The following RAB11FIP1 variants were observed in gnomAD, a reference collection of about 807,000 sequenced individuals.
RAB11FIP1 encodes rab11 family-interacting protein 1.
A neutral mutation model predicts 83.1 loss-of-function variants in RAB11FIP1; 49 were observed. That is an observed-to-expected ratio of 0.59 (90% confidence interval 0.47 to 0.75). The LOEUF (loss-of-function observed/expected upper bound fraction) is 0.75, where lower values mean the gene tolerates loss of function less well. Among genes scored for constraint, RAB11FIP1 ranks in the 30% least tolerant of loss-of-function variants. The pLI, the probability that RAB11FIP1 is intolerant of heterozygous loss-of-function variation, is 0.00. For missense variants in RAB11FIP1, 1,536 were observed against 1,598.7 expected (o/e 0.96, Z 0.67); for synonymous variants, 670 against 656.0 (o/e 1.02, Z -0.33).
At chr8:37,865,315 C>CTT (rs11407439) in intron 5 of RAB11FIP1, among the ~76,000 whole-genome samples, 1,954 of 142,646 alleles carry the variant, frequency 0.014, 37 homozygotes, top group African/African-American at 0.037. Context: ...TCCTGGGATT[C>CTT]TTTTTTTTTT....
rs752938916 is a variant in RAB11FIP1 at position 37,871,799 on chromosome 8, C to G, written c.3003G>C (p.Leu1001Phe). The G allele has an allele frequency of 6.2e-7, 1 of 1,614,148 alleles. No homozygotes were observed. Among genetic ancestry groups the G allele is most frequent in the Non-Finnish European group, 8.5e-7 (1 of 1,180,002 alleles). Residue 1001 changes from leucine (L) to phenylalanine (F), a missense_variant, in exon 4 of 6, where the codon TTG becomes TTC. Coordinates refer to ENST00000330843, the MANE Select transcript of RAB11FIP1 (RefSeq NM_001002814.3). ...TCTCAGGACAGGGGACTACCAAGCC[C>G]AAGGACAAAGCTCCTATGTCCAGAG... ...SSTLDIGALSLGLVVPCPERG... is the reference protein window; with the variant it reads ...SSTLDIGALSFGLVVPCPERG...
intron 1 of RAB11FIP1, among the ~76,000 whole-genome samples, chr8:37,898,409 C>T (rs113876758): frequency 6.6e-6 from 1 of 151,716 alleles, no homozygotes; most frequent in Non-Finnish European, 1.5e-5. Context: ...AATCCCAGCA[C>T]TTTGGGAGGC....
In RAB11FIP1 at chr8:37,899,298, G is replaced by A. The variant is rs1384513980; in HGVS notation, c.144C>T (p.Gly48=). The change falls in exon 1 of 6, where the codon GGC becomes GGT. Residue 48 remains glycine, a synonymous_variant. Transcript: ENST00000330843. This position sits in a 1 kb window ranked among gnomAD's most constrained non-coding sequence, Gnocchi z 4.5. ...ACACGGAGGTGGCGTACTTCTCCTT[G>A]CCCACCTGGATCACCGCGTACGCGT... ...TSDAYAVIQV[G]KEKYATSVSE... 3.1e-6 allele frequency: 5 copies of A among 1,609,860 alleles called. No individual in the cohort carries two copies. The highest frequency in any genetic ancestry group is 1.3e-5 in the African/African-American group (1 of 74,578).
Position 37,877,362 on chromosome 8 carries a change from G to A in RAB11FIP1, c.561C>T (p.Asp187=). Reference sequence around the variant, plus strand: ...TGCTAGGGATGATGGCGGAGGCGGTGTCTGACCCACTGTCCTTATTCTTCC... The same window carrying A: ...TGCTAGGGATGATGGCGGAGGCGGTATCTGACCCACTGTCCTTATTCTTCC... The part of the protein sequence containing the change: ...IKGKNKDSGS[D]TASAIIPSTT... The change falls in exon 2 of 6, where the codon GAC becomes GAT. Residue 187 remains aspartate (D), a synonymous_variant. Coordinates refer to ENST00000330843, the MANE Select transcript of RAB11FIP1 (RefSeq NM_001002814.3). 3 of 1,614,208 alleles carry A rather than the reference G, an allele frequency of 1.9e-6. No homozygotes were observed. The highest frequency in any genetic ancestry group is 2.5e-6 in the Non-Finnish European group (3 of 1,180,030).
intron 1 of RAB11FIP1, among the ~76,000 whole-genome samples, chr8:37,884,786 T>TC (rs1279584493): frequency 1.3e-5 from 2 of 151,976 alleles, no homozygotes; most frequent in African/African-American, 4.8e-5. Flanking sequence ...TGACCTCAAG[T>TC]GATCTGCCTG....
At chr8:37,894,877 G>A (rs1343536872) in intron 1 of RAB11FIP1, among the ~76,000 whole-genome samples, 1 of 150,302 alleles carries the variant, frequency 6.7e-6, no homozygotes, top group Admixed American at 6.7e-5. Context: ...AGCCTCCCGA[G>A]TAGCTGCGAT....
At position 37,871,794 on chromosome 8, in the gene RAB11FIP1, A is replaced by T. The variant is rs2130139966; in HGVS notation, c.3008T>A (p.Leu1003Ter). The stretch of plus-strand genomic sequence containing the variant: ...TCCCCTCTCAGGACAGGGGACTACC[A>T]AGCCCAAGGACAAAGCTCCTATGTC... ...TLDIGALSLG[L>*]VVPCPERGKG... The change falls in exon 4 of 6, where the codon TTG (leucine) becomes TAG (stop). Residue 1003 changes from leucine (L) to a stop codon, truncating the protein, a stop_gained. Coordinates refer to ENST00000330843, the MANE Select transcript of RAB11FIP1 (RefSeq NM_001002814.3). LOFTEE classifies it high-confidence loss of function. 6.2e-7 allele frequency: 1 copy of T among 1,614,086 alleles called. No homozygotes were observed. The highest frequency in any genetic ancestry group is 1.3e-5 in the African/African-American group (1 of 75,026).
In RAB11FIP1 at chr8:37,899,432, T is replaced by C. The variant is rs756821570; in HGVS notation, c.10A>G (p.Met4Val). MSL[M>V]VSAGRGLGAV... ...CCCAGGCCCCGGCCAGCCGAGACCA[T>C]TAGGGACATGGTGACGATAACACTC... Residue 4 changes from methionine (M) to valine (V), a missense_variant, in exon 1 of 6, where the codon ATG becomes GTG. Physicochemically the swap from Met to Val is conservative, Grantham distance 21. Transcript: ENST00000330843. The surrounding 1 kb of genome is among the most constrained non-coding windows in gnomAD (Gnocchi z 4.5). 3 of 1,563,310 alleles carry C rather than the reference T, an allele frequency of 1.9e-6. No homozygotes were observed. The highest frequency in any genetic ancestry group is 2.6e-6 in the Non-Finnish European group (3 of 1,158,000).
chr8:37,896,051 T>A (rs1807082390), intron 1 of RAB11FIP1, among the ~76,000 whole-genome samples: 1 of 152,188 alleles, frequency 6.6e-6, no homozygotes, highest in Admixed American at 6.5e-5. Context: ...GGCTCACACC[T>A]ATAATCCTAG....
At chr8:37,891,700 G>A (rs996172286) in intron 1 of RAB11FIP1, among the ~76,000 whole-genome samples, 4 of 152,098 alleles carry the variant, frequency 2.6e-5, no homozygotes, top group East Asian at 1.9e-4. Context: ...CTTACAGTTC[G>A]TAATGCAAAA....
intron 1 of RAB11FIP1, among the ~76,000 whole-genome samples, chr8:37,895,098 C>T (rs560511892): frequency 3.7e-4 from 52 of 140,372 alleles, no homozygotes; most frequent in Admixed American, 8.9e-4. Context: ...CAGGCTTTTA[C>T]TCTGTTGCCC....
At chr8:37,863,316 G>A (rs1004455014) in intron 5 of RAB11FIP1, among the ~76,000 whole-genome samples, 1 of 152,034 alleles carries the variant, frequency 6.6e-6, no homozygotes. Flanking sequence ...CGCGATCTCA[G>A]CTCACTGCAA....
chr8:37,872,866 T>G lies in RAB11FIP1; in HGVS notation c.1936A>C (p.Asn646His). ...GATCCCAGGGCAGAAGAACCAGAAT[T>G]TGGAACCGGTGTTAAACTCTCAGTT... is the stretch of plus-strand genomic sequence containing the variant. ...LQTESLTPVP[N>H]SGSSALGSLF... The change falls in exon 4 of 6, where the codon AAT (asparagine) becomes CAT (histidine). Residue 646 changes from asparagine to histidine, a missense_variant. By Grantham distance (68) the Asn-to-His change is moderately conservative. Transcript: ENST00000330843. 6.2e-7 allele frequency: 1 copy of G among 1,614,184 alleles called. No individual in the cohort carries two copies. The highest frequency in any genetic ancestry group is 8.5e-7 in the Non-Finnish European group (1 of 1,180,028).
rs749936619 is a variant in RAB11FIP1, at chr8:37,875,304, G to C, written c.833C>G (p.Thr278Arg). 6.2e-7 allele frequency: 1 copy of C among 1,611,220 alleles called. No homozygotes were observed. Among genetic ancestry groups the C allele is most frequent in the South Asian group, 1.1e-5 (1 of 91,038 alleles). Residue 278 changes from threonine (T) to arginine (R), a missense_variant, in exon 3 of 6, where the codon ACA becomes AGA. Physicochemically the swap from Thr to Arg is moderately conservative, Grantham distance 71. Coordinates refer to ENST00000330843, the MANE Select transcript of RAB11FIP1 (RefSeq NM_001002814.3). ...SASDVMSHKR[T>R]ASTDLKQLNQ... is the part of the protein sequence containing the mutation. ...CAGTTGCTTAAGATCCGTACTCGCTGTTCTCTTGTGAGACATGACTTTGGG... is the reference window on the plus strand; with the variant it reads ...CAGTTGCTTAAGATCCGTACTCGCTCTTCTCTTGTGAGACATGACTTTGGG...
At chr8:37,885,821 C>G (rs1288720930) in intron 1 of RAB11FIP1, among the ~76,000 whole-genome samples, 1 of 152,166 alleles carries the variant, frequency 6.6e-6, no homozygotes. Flanking sequence ...TTCAACCATG[C>G]CCTATCCTCA....
At position 37,871,639 on chromosome 8, in the gene RAB11FIP1, G is replaced by A. The variant is rs1481095939; in HGVS notation, c.3163C>T (p.His1055Tyr). ...TCCAAGCTTGAGCTCTTGCCAAGAT[G>A]TGGTTTGTGAATTCCGAACTCTGTG... is the stretch of plus-strand genomic sequence containing the variant. ...QTTEFGIHKPHLGKSSSLDKQ... is the reference protein window; with the variant it reads ...QTTEFGIHKPYLGKSSSLDKQ... The change falls in exon 4 of 6, where the codon CAT (histidine) becomes TAT (tyrosine). Residue 1055 changes from histidine (H) to tyrosine (Y), a missense_variant. Coordinates refer to ENST00000330843, the MANE Select transcript of RAB11FIP1 (RefSeq NM_001002814.3). 1 of 1,609,950 alleles carries A rather than the reference G, an allele frequency of 6.2e-7. No homozygotes were observed. The highest frequency in any genetic ancestry group is 8.5e-7 in the Non-Finnish European group (1 of 1,176,934).
At chr8:37,890,982 T>A (rs1031674731) in intron 1 of RAB11FIP1, among the ~76,000 whole-genome samples, 1 of 152,018 alleles carries the variant, frequency 6.6e-6, no homozygotes, top group Non-Finnish European at 1.5e-5. Flanking sequence ...AACCACTGCC[T>A]CCCTCACAGA....
chr8:37,883,565 A>T (rs1031814259), intron 1 of RAB11FIP1, among the ~76,000 whole-genome samples: 2 of 152,252 alleles, frequency 1.3e-5, no homozygotes, highest in Admixed American at 1.3e-4. Flanking sequence ...AAGACAGTGA[A>T]AGCCACAGTG....
Position 37,899,007 on chromosome 8 carries a change from A to G in RAB11FIP1, c.371+64T>C. 1 of 1,400,672 alleles carries G rather than the reference A, an allele frequency of 7.1e-7. No homozygotes were observed. The highest frequency in any genetic ancestry group is 9.2e-7 in the Non-Finnish European group (1 of 1,084,542). 86.8% of individuals were successfully genotyped at this position (1,400,672 alleles called of 1,614,324 possible). ...CTTACTCTCGAAGGGTCCAGCGCCC[A>G]GACCGCCCTGCCGGAGGGGTCCGCG... On this transcript the variant is annotated intron_variant, in intron 1 of 5. Coordinates refer to ENST00000330843, the MANE Select transcript of RAB11FIP1 (RefSeq NM_001002814.3). The surrounding 1 kb of genome is among the most constrained non-coding windows in gnomAD (Gnocchi z 4.5).
Sources: allele counts gnomAD v4.1 joint callset (sites outside exome capture counted in the v4.1 genomes callset), GRCh38; gene constraint gnomAD v4.1.1; non-coding constraint Gnocchi (gnomAD v3.1); transcripts MANE v1.5; gene names NCBI Gene and HGNC (gene_info 2026-07-23, HGNC 2026-07-21).